Variants in FILIP1L observed in about 807,000 individuals in gnomAD.
FILIP1L encodes filamin A interacting protein 1 like.
Under a neutral mutation model 96.6 loss-of-function variants are expected in FILIP1L, and 55 were observed. That is an observed-to-expected ratio of 0.57 (90% CI 0.46 to 0.71). The LOEUF is 0.71. Among genes scored for constraint, FILIP1L ranks in the 30% least tolerant of loss-of-function variants. FILIP1L has a pLI of 0.00. For missense variants in FILIP1L, 1,304 were observed against 1,321.2 expected, an observed-to-expected ratio of 0.99 and a Z score of 0.20; for synonymous variants, 467 against 473.9, an observed-to-expected ratio of 0.99 and a Z score of 0.19.
intron 4 of FILIP1L, among the ~76,000 whole-genome samples, chr3:99,866,602 T>C (rs1439720606): frequency 6.6e-6 from 1 of 152,146 alleles, no homozygotes; most frequent in East Asian, 1.9e-4. Context: ...GGAAATTTAA[T>C]ACATTTAAGA....
At chr3:100,070,018 A>T (rs1017163890) in intron 1 of FILIP1L, among the ~76,000 whole-genome samples, 2 of 152,080 alleles carry the variant, frequency 1.3e-5, no homozygotes, top group South Asian at 4.1e-4. Flanking sequence ...TTGATCCTCA[A>T]ATAAAAAACT....
chr3:99,908,942 G>A (rs1050974197), intron 4 of FILIP1L, among the ~76,000 whole-genome samples: 16 of 151,986 alleles, frequency 1.1e-4, no homozygotes, highest in African/African-American at 1.7e-4. Flanking sequence ...TTAAAATTCT[G>A]TGTGAGATTA....
intron 5 of FILIP1L, among the ~76,000 whole-genome samples, chr3:99,842,861 T>A (rs998624618): frequency 3.9e-5 from 6 of 152,192 alleles, no homozygotes; most frequent in Non-Finnish European, 7.3e-5. Flanking sequence ...TATCAAATTA[T>A]GAAGTACTTA....
intron 1 of FILIP1L, among the ~76,000 whole-genome samples, chr3:100,065,377 G>A (rs2065646298): frequency 1.3e-5 from 2 of 152,164 alleles, no homozygotes; most frequent in Non-Finnish European, 2.9e-5. Context: ...CACAGGTAAG[G>A]AAGTGGAGAG....
chr3:99,852,847 C>A (rs1473719791), intron 4 of FILIP1L, among the ~76,000 whole-genome samples: 1 of 152,178 alleles, frequency 6.6e-6, no homozygotes, highest in African/African-American at 2.4e-5. Context: ...TCTGTAATTA[C>A]ATTCCATAGG....
At chr3:99,860,283 C>T (rs1944178501) in intron 4 of FILIP1L, among the ~76,000 whole-genome samples, 3 of 152,164 alleles carry the variant, frequency 2.0e-5, no homozygotes, top group Admixed American at 2.0e-4. Context: ...TACTCTTCAT[C>T]ACCTGAACGA....
intron 1 of FILIP1L, among the ~76,000 whole-genome samples, chr3:100,066,397 T>G (rs1230042234): frequency 6.6e-6 from 1 of 152,208 alleles, no homozygotes; most frequent in African/African-American, 2.4e-5. Flanking sequence ...TGGATTGTTT[T>G]GTTTATGTAG....
Position 99,850,761 on chromosome 3 carries a change from G to A in FILIP1L, c.915C>T (p.Asp305=). ...LQTQTTKFHQ[D]QDTIMAKLTN... ...TGAGCTTCGCCATAATTGTGTCTTG[G>A]TCTTGGTGAAACTTTGTGGTCTGCG... The change falls in exon 5 of 6, where the codon GAC becomes GAT. Residue 305 remains aspartate, a synonymous_variant. Coordinates refer to ENST00000477258, the MANE Select transcript of FILIP1L (RefSeq NM_001387850.1). 6.2e-7 allele frequency: 1 copy of A among 1,614,188 alleles called. No homozygotes were observed. The highest frequency in any genetic ancestry group is 1.1e-5 in the South Asian group (1 of 91,084).
At chr3:99,914,084 A>G (rs1202963918) in intron 4 of FILIP1L, among the ~76,000 whole-genome samples, 1 of 152,236 alleles carries the variant, frequency 6.6e-6, no homozygotes, top group Non-Finnish European at 1.5e-5. Flanking sequence ...GGAATTTGGC[A>G]AAGTGGGCCT....
chr3:100,095,060 T>C (rs1252978837), intron 1 of FILIP1L, among the ~76,000 whole-genome samples: 1 of 152,232 alleles, frequency 6.6e-6, no homozygotes, highest in Admixed American at 6.5e-5. Flanking sequence ...TTGCATGGTC[T>C]GTTCACAGAT....
At chr3:99,989,498 G>A (rs564350687) in intron 1 of FILIP1L, among the ~76,000 whole-genome samples, 10 of 152,238 alleles carry the variant, frequency 6.6e-5, no homozygotes, top group Non-Finnish European at 1.2e-4. Context: ...TCCAACCCTT[G>A]ACTCCATTTC....
chr3:99,937,220 G>A (rs924488272), intron 1 of FILIP1L, among the ~76,000 whole-genome samples: 4 of 152,290 alleles, frequency 2.6e-5, no homozygotes, highest in Middle Eastern at 3.4e-3. Context: ...TTACAGGTAT[G>A]AGCCACCATG....
rs1236116598 is a variant in FILIP1L at position 100,114,182 on chromosome 3, T to A, written c.-140A>T. 6.6e-6 allele frequency: 1 copy of A among 152,012 alleles called. No homozygotes were observed. Among genetic ancestry groups the A allele is most frequent in the Non-Finnish European group, 1.5e-5 (1 of 68,026 alleles). The allele number at this position is 152,012 out of a possible 1,614,324, so 9.4% of individuals were successfully genotyped here. A position where few individuals can be genotyped will look rare whatever the true frequency, so the allele number is the denominator to read the frequency against. On this transcript the variant is annotated 5_prime_UTR_variant, in exon 1 of 6. Transcript: ENST00000477258. ...TCTCTTTTTGGACACCCTCTCAGTT[T>A]TTGTTTTGTAGGCTTGAAAGCCACC...
chr3:100,006,668 A>G (rs1709996546), intron 1 of FILIP1L, among the ~76,000 whole-genome samples: 1 of 152,094 alleles, frequency 6.6e-6, no homozygotes, highest in Non-Finnish European at 1.5e-5. Flanking sequence ...AAAAAAAAAA[A>G]AATTCCAGCT....
At chr3:100,105,878 CA>C (rs1321661162) in intron 1 of FILIP1L, among the ~76,000 whole-genome samples, 7 of 152,136 alleles carry the variant, frequency 4.6e-5, no homozygotes, top group African/African-American at 1.7e-4. Context: ...CTCTGTTTAT[CA>C]AACAAAAACT....
chr3:99,907,501 C>T (rs1706657681), intron 4 of FILIP1L, among the ~76,000 whole-genome samples: 1 of 152,162 alleles, frequency 6.6e-6, no homozygotes, highest in Admixed American at 6.5e-5. Context: ...CCCGCCTCGG[C>T]CTCCCAAAGT....
At chr3:100,014,887 C>CTTTTTTTTTTTTTTTTTTT (rs1559725867) in intron 1 of FILIP1L, among the ~76,000 whole-genome samples, 11 of 32,460 alleles carry the variant, frequency 3.4e-4, no homozygotes, top group Admixed American at 3.8e-4. Context: ...TTTTTTTTTT[C>CTTTTTTTTTTTTTTTTTTT]TTTCTTTCTT....
At chr3:100,010,049 A>G (rs1710099636) in intron 1 of FILIP1L, 2 of 245,064 alleles carry the variant, frequency 8.2e-6, no homozygotes, top group Non-Finnish European at 1.3e-5. Context: ...GATATCTACC[A>G]TATGTTTTAC....
intron 4 of FILIP1L, among the ~76,000 whole-genome samples, chr3:99,899,288 TG>T (rs1295605108): frequency 6.6e-6 from 1 of 152,240 alleles, no homozygotes; most frequent in African/African-American, 2.4e-5. Context: ...AGCAGATTTT[TG>T]GTTTCCAATA....
Sources: gnomAD v4.1 joint callset for allele counts (sites outside exome capture counted in the v4.1 genomes callset) on GRCh38, gnomAD v4.1.1 for gene constraint, MANE v1.5 for transcripts, NCBI Gene and HGNC (gene_info 2026-07-23, HGNC 2026-07-21) for gene names.